PKHD1L1: variants seen among roughly 807,000 people sequenced by gnomAD.
PKHD1L1 encodes the protein PKHD1 like 1, also known as fibrocystin-L.
PKHD1L1 carries 434 observed loss-of-function variants against 462.9 expected under a neutral mutation model. That is an observed-to-expected ratio of 0.94 (90% CI 0.87 to 1.02). PKHD1L1 has a LOEUF of 1.02. PKHD1L1 is among the 50% of genes least tolerant of loss of function. PKHD1L1 has a pLI of 0.00. For missense variants in PKHD1L1, 5,202 were observed against 5,096.1 expected (o/e 1.02, Z -0.63); for synonymous variants, 1,781 against 1,750.0 (o/e 1.02, Z -0.44).
chr8:109,366,539 C>G (rs756070290), intron 2 of PKHD1L1, among the ~76,000 whole-genome samples: 1 of 152,052 alleles, frequency 6.6e-6, no homozygotes, highest in Non-Finnish European at 1.5e-5. Flanking sequence ...CAGCATAGAG[C>G]ATATAGTTAA....
intron 68 of PKHD1L1, among the ~76,000 whole-genome samples, chr8:109,504,820 T>C (rs1205013032): frequency 6.6e-6 from 1 of 152,160 alleles, no homozygotes; most frequent in Non-Finnish European, 1.5e-5. Context: ...AGAGCAGGCA[T>C]AATGTGCCTG....
chr8:109,454,264 A>G lies in PKHD1L1; in HGVS notation c.6744+18A>G, dbSNP rs746745582. Reference sequence around the variant, plus strand: ...TTCTTCAGGTATTCAAAAGAACATAATACATATTCATTTCCAACCTGTCTC... The same window carrying G: ...TTCTTCAGGTATTCAAAAGAACATAGTACATATTCATTTCCAACCTGTCTC... On this transcript the variant is annotated intron_variant, in intron 44 of 77. Coordinates refer to ENST00000378402, the MANE Select transcript of PKHD1L1 (RefSeq NM_177531.6). 9 of 1,530,348 alleles carry G rather than the reference A, an allele frequency of 5.9e-6. No individual in the cohort carries two copies. In the South Asian group the frequency reaches 9.8e-5, roughly 17 times the overall value. 94.8% of individuals were successfully genotyped at this position (1,530,348 alleles called of 1,614,324 possible).
chr8:109,402,337 T>C (rs777935571), intron 14 of PKHD1L1, among the ~76,000 whole-genome samples: 4 of 152,194 alleles, frequency 2.6e-5, no homozygotes, highest in Non-Finnish European at 5.9e-5. Flanking sequence ...AATTTTATAG[T>C]TGGCTGAGCG....
intron 73 of PKHD1L1, among the ~76,000 whole-genome samples, chr8:109,521,835 C>T (rs969900334): frequency 3.3e-5 from 5 of 152,098 alleles, no homozygotes; most frequent in African/African-American, 1.2e-4. Context: ...TAAAATGACA[C>T]ATGATAATAG....
chr8:109,440,605 A>G (rs1234554155), intron 32 of PKHD1L1, 105 bp from the exon 33 acceptor site: 7 of 991,754 alleles, frequency 7.1e-6, no homozygotes, highest in Non-Finnish European at 1.0e-5. Flanking sequence ...GTACAGTTAA[A>G]TATCCAGTTA....
rs1029522520 is a variant in PKHD1L1, at chr8:109,533,310, T to A, written c.*3220T>A. On this transcript the variant is annotated 3_prime_UTR_variant, in exon 78 of 78. Transcript: ENST00000378402. ...CTGAAGACTGATGGTATCATATATA[T>A]GACATGTAACACAGTGCCTAACAGG... 6.6e-6 allele frequency among the ~76,000 whole-genome samples: 1 copy of A among 152,272 alleles called. No individual in the cohort carries two copies. Among genetic ancestry groups the A allele is most frequent in the African/African-American group, 2.4e-5 (1 of 41,462 alleles).
At position 109,531,754 on chromosome 8, in the gene PKHD1L1, G is replaced by C. The variant is rs1427364558; in HGVS notation, c.*1664G>C. On this transcript the variant is annotated 3_prime_UTR_variant, in exon 78 of 78. Transcript: ENST00000378402. ...CCCCTTCATGAGGAACATTTGCCAT[G>C]TCCAGAGAGCATTGATACTTCATTG... is the stretch of plus-strand genomic sequence containing the variant. Among the ~76,000 whole-genome samples the C allele has an allele frequency of 6.6e-6, 1 of 152,166 alleles. No homozygotes were observed. The highest frequency in any genetic ancestry group is 2.4e-5 in the African/African-American group (1 of 41,438).
chr8:109,512,480 G>A (rs190117733), intron 71 of PKHD1L1, among the ~76,000 whole-genome samples: 27 of 152,102 alleles, frequency 1.8e-4, no homozygotes, highest in Non-Finnish European at 2.5e-4. Flanking sequence ...TGTTTTTCTC[G>A]GGTTTGCCAA....
intron 1 of PKHD1L1, among the ~76,000 whole-genome samples, chr8:109,363,700 C>T (rs1192440585): frequency 2.0e-5 from 3 of 152,170 alleles, no homozygotes; most frequent in African/African-American, 7.2e-5. Context: ...GCAGCTCACA[C>T]AATCCTGTTT....
intron 53 of PKHD1L1, 71 bp downstream of exon 53, chr8:109,477,467 G>C (rs1818050469): frequency 7.4e-7 from 1 of 1,345,440 alleles, no homozygotes; most frequent in Admixed American, 2.3e-5. Flanking sequence ...GTCACTCCTG[G>C]GTGAAATAAT....
At chr8:109,463,260 A>G (rs1817239152) in intron 48 of PKHD1L1, among the ~76,000 whole-genome samples, 1 of 152,150 alleles carries the variant, frequency 6.6e-6, no homozygotes, top group Admixed American at 6.5e-5. Flanking sequence ...CATAGTTCTT[A>G]TCATGTATTC....
At chr8:109,488,466 T>C (rs891804708) in intron 59 of PKHD1L1, among the ~76,000 whole-genome samples, 6 of 151,960 alleles carry the variant, frequency 3.9e-5, no homozygotes, top group Non-Finnish European at 5.9e-5. Context: ...CAAGCACATA[T>C]TGTAATTTTT....
At chr8:109,371,490 C>T (rs1291642178) in intron 2 of PKHD1L1, among the ~76,000 whole-genome samples, 1 of 150,272 alleles carries the variant, frequency 6.7e-6, no homozygotes, top group Non-Finnish European at 1.5e-5. Context: ...TTTTGCTGTG[C>T]AGAAGCTCTT....
chr8:109,366,701 T>C (rs1461433169), intron 2 of PKHD1L1, among the ~76,000 whole-genome samples: 3 of 151,390 alleles, frequency 2.0e-5, no homozygotes, highest in African/African-American at 7.3e-5. Context: ...ATTTTTTTTT[T>C]TTTTTTTTGA....
chr8:109,516,418 G>T (rs1820273092), intron 72 of PKHD1L1, among the ~76,000 whole-genome samples: 1 of 152,024 alleles, frequency 6.6e-6, no homozygotes, highest in Non-Finnish European at 1.5e-5. Context: ...AAGCTCCCTG[G>T]TGTCTCCTTT....
chr8:109,376,712 C>A (rs1811855796), intron 2 of PKHD1L1, among the ~76,000 whole-genome samples: 1 of 152,186 alleles, frequency 6.6e-6, no homozygotes, highest in Non-Finnish European at 1.5e-5. Flanking sequence ...TAGCAGATAT[C>A]TGATTAAGTC....
At position 109,451,073 on chromosome 8, in the gene PKHD1L1, C is replaced by A. The variant is rs1816464753; in HGVS notation, c.6274C>A (p.Leu2092Ile). 6.2e-7 allele frequency: 1 copy of A among 1,613,618 alleles called. No individual in the cohort carries two copies. The highest frequency in any genetic ancestry group is 8.5e-7 in the Non-Finnish European group (1 of 1,179,724). ...PFTYAVSLTP[L>I]ITAVSPKRGS... ...TACGTACGCAGTGTCACTGACTCCA[C>A]TCATCACTGCAGTATCTCCTAAGAG... is the stretch of plus-strand genomic sequence containing the variant. Residue 2092 changes from leucine to isoleucine, a missense_variant, in exon 41 of 78, where the codon CTC (leucine) becomes ATC (isoleucine). Leu to Ile is a conservative substitution (Grantham distance 5). Transcript: ENST00000378402.
intron 19 of PKHD1L1, among the ~76,000 whole-genome samples, chr8:109,410,726 C>CTTTTTTTTTTTTTTTTTGTTTTTTTTTT (rs1813799892): frequency 1.5e-5 from 1 of 68,402 alleles, no homozygotes; most frequent in African/African-American, 8.2e-5. Context: ...TTTTCTTTTT[C>CTTTTTTTTTTTTTTTTTGTTTTTTTTTT]TTTTTTTTTT....
intron 27 of PKHD1L1, 69 bp from the exon 28 acceptor site, chr8:109,433,037 G>A (rs1586499000): frequency 8.9e-7 from 1 of 1,118,474 alleles, no homozygotes. Context: ...TTTGAGAAAT[G>A]TCTGATTTCA....
Sources: gnomAD v4.1 joint callset for allele counts (sites outside exome capture counted in the v4.1 genomes callset) on GRCh38, gnomAD v4.1.1 for gene constraint, MANE v1.5 for transcripts, NCBI Gene and HGNC (gene_info 2026-07-23, HGNC 2026-07-21) for gene names.